Variants in ASZ1 observed in about 807,000 individuals in gnomAD.
ASZ1 encodes the protein ankyrin repeat, SAM and basic leucine zipper domain-containing protein 1.
In ASZ1, 67 loss-of-function variants were observed where a neutral mutation model predicts 61.8. That is an observed-to-expected ratio of 1.08 (90% CI 0.89 to 1.33). The LOEUF (loss-of-function observed/expected upper bound fraction) is 1.33, where lower values mean the gene tolerates loss of function less well. Among genes scored for constraint, ASZ1 ranks in the 40% most tolerant of loss-of-function variants. The pLI, the probability that ASZ1 is intolerant of heterozygous loss-of-function variation, is 0.00. For missense variants in ASZ1, 577 were observed against 554.5 expected, an observed-to-expected ratio of 1.04 and a Z score of -0.41; for synonymous variants, 193 against 192.7, an observed-to-expected ratio of 1.00 and a Z score of -0.01.
At chr7:117,371,114 C>T (rs1045887580) in intron 10 of ASZ1, among the ~76,000 whole-genome samples, 2 of 152,096 alleles carry the variant, frequency 1.3e-5, no homozygotes, top group African/African-American at 4.8e-5. Context: ...CGTGAGCCAC[C>T]ATCCTAGCCC....
intron 12 of ASZ1, among the ~76,000 whole-genome samples, chr7:117,365,530 C>T (rs1051956018): frequency 2.0e-5 from 3 of 152,128 alleles, no homozygotes; most frequent in Admixed American, 6.5e-5. Context: ...TTGGAGAAAC[C>T]AAATTAGTAA....
intron 4 of ASZ1, among the ~76,000 whole-genome samples, chr7:117,419,511 T>C (rs944258425): frequency 6.6e-6 from 1 of 152,204 alleles, no homozygotes; most frequent in Non-Finnish European, 1.5e-5. Context: ...TTTTGTTAGA[T>C]GGGCTACTTC....
intron 4 of ASZ1, among the ~76,000 whole-genome samples, chr7:117,410,541 G>A (rs1796870013): frequency 6.6e-6 from 1 of 151,514 alleles, no homozygotes; most frequent in Non-Finnish European, 1.5e-5. Context: ...AGTATAGCAG[G>A]GTTTTATTCA....
intron 4 of ASZ1, among the ~76,000 whole-genome samples, chr7:117,388,007 G>A (rs1003027598): frequency 7.2e-5 from 11 of 152,164 alleles, no homozygotes; most frequent in Non-Finnish European, 1.5e-4. Flanking sequence ...TTAGAAGTAT[G>A]AGGAAGTATT....
At chr7:117,418,077 C>T (rs1247804895) in intron 4 of ASZ1, among the ~76,000 whole-genome samples, 2 of 152,140 alleles carry the variant, frequency 1.3e-5, no homozygotes, top group Non-Finnish European at 2.9e-5. Flanking sequence ...ATGACACTGG[C>T]TTGACTGACT....
At chr7:117,389,549 G>C (rs1796423022) in intron 4 of ASZ1, among the ~76,000 whole-genome samples, 1 of 152,146 alleles carries the variant, frequency 6.6e-6, no homozygotes. Context: ...AAACAAACCA[G>C]GCAGAGAGAT....
At chr7:117,382,705 T>G (rs1194327812) in intron 7 of ASZ1, among the ~76,000 whole-genome samples, 1 of 152,130 alleles carries the variant, frequency 6.6e-6, no homozygotes, top group Non-Finnish European at 1.5e-5. Context: ...GGTGTTATAC[T>G]GTTTGAACAC....
At chr7:117,417,478 A>G (rs1285663048) in intron 4 of ASZ1, among the ~76,000 whole-genome samples, 2 of 152,182 alleles carry the variant, frequency 1.3e-5, no homozygotes, top group Admixed American at 1.3e-4. Flanking sequence ...TAAAGCTCCC[A>G]ATCTTCTAAT....
intron 4 of ASZ1, among the ~76,000 whole-genome samples, chr7:117,411,945 A>G (rs1796897173): frequency 1.3e-5 from 2 of 151,804 alleles, no homozygotes; most frequent in African/African-American, 4.8e-5. Flanking sequence ...AATAAATTAC[A>G]GTACATTAAT....
intron 4 of ASZ1, among the ~76,000 whole-genome samples, chr7:117,405,411 G>A (rs1435574389): frequency 1.3e-5 from 2 of 152,138 alleles, no homozygotes; most frequent in Admixed American, 6.5e-5. Flanking sequence ...CAGCCTCCAC[G>A]GCTCCTCGAC....
chr7:117,409,719 T>C (rs1232299126), intron 4 of ASZ1, among the ~76,000 whole-genome samples: 1 of 151,882 alleles, frequency 6.6e-6, no homozygotes, highest in Non-Finnish European at 1.5e-5. Context: ...AAAACACTCA[T>C]ATGAAAACAT....
intron 4 of ASZ1, among the ~76,000 whole-genome samples, chr7:117,399,533 C>A (rs1474407349): frequency 6.6e-6 from 1 of 152,200 alleles, no homozygotes; most frequent in Non-Finnish European, 1.5e-5. Context: ...AATTGTGTAA[C>A]AGAAACCAAT....
chr7:117,400,639 GC>G (rs1341852808), intron 4 of ASZ1, among the ~76,000 whole-genome samples: 2 of 152,206 alleles, frequency 1.3e-5, no homozygotes, highest in Non-Finnish European at 2.9e-5. Context: ...AGGTGACCCT[GC>G]AGAGAAGTGA....
chr7:117,376,266 T>C (rs1311468290), intron 10 of ASZ1, among the ~76,000 whole-genome samples: 1 of 152,096 alleles, frequency 6.6e-6, no homozygotes, highest in South Asian at 2.1e-4. Flanking sequence ...CAGATATAAC[T>C]TGAATAATCC....
chr7:117,376,798 C>G (rs1413610646), intron 10 of ASZ1, among the ~76,000 whole-genome samples: 1 of 152,048 alleles, frequency 6.6e-6, no homozygotes, highest in Non-Finnish European at 1.5e-5. Context: ...ATCTCATAAT[C>G]TACAAAAAAA....
intron 4 of ASZ1, among the ~76,000 whole-genome samples, chr7:117,394,864 T>A (rs1349210406): frequency 7.2e-5 from 11 of 152,236 alleles, no homozygotes; most frequent in Admixed American, 7.2e-4. Flanking sequence ...AGTTCCTTTT[T>A]TCATAATTCA....
At chr7:117,387,736 C>T (rs183349986) in intron 4 of ASZ1, among the ~76,000 whole-genome samples, 146 of 152,308 alleles carry the variant, frequency 9.6e-4, no homozygotes, top group African/African-American at 3.3e-3. Context: ...CTGCTCTCCT[C>T]CATGCTTCCA....
chr7:117,365,764 C>T (rs1459144533), intron 12 of ASZ1, among the ~76,000 whole-genome samples: 1 of 152,138 alleles, frequency 6.6e-6, no homozygotes, highest in Non-Finnish European at 1.5e-5. Flanking sequence ...AGCACAGGTG[C>T]CTGACATATA....
rs377515855 is a variant in ASZ1 at position 117,413,396 on chromosome 7, C to A, written c.440+6767G>T. Reference sequence around the variant, plus strand: ...TTAGACAATGTATTACACAGACAAGCAATTAACACAGTGCCTATTACACAG... The same window carrying A: ...TTAGACAATGTATTACACAGACAAGAAATTAACACAGTGCCTATTACACAG... On this transcript the variant is annotated intron_variant, in intron 4 of 12. Coordinates refer to ENST00000284629, the MANE Select transcript of ASZ1 (RefSeq NM_130768.3). 5.3e-5 allele frequency among the ~76,000 whole-genome samples: 8 copies of A among 152,096 alleles called. No individual in the cohort carries two copies. The East Asian group carries it at 9.6e-4, about 18-fold the overall frequency.
Sources: allele counts gnomAD v4.1 joint callset (sites outside exome capture counted in the v4.1 genomes callset), GRCh38; gene constraint gnomAD v4.1.1; transcripts MANE v1.5; gene names NCBI Gene and HGNC (gene_info 2026-07-23, HGNC 2026-07-21).